The following EVC2 variants were observed in gnomAD, a reference collection of about 807,000 sequenced individuals.
The protein encoded by EVC2 is limbin.
Under a neutral mutation model 149.3 loss-of-function variants are expected in EVC2, and 148 were observed. The ratio of observed to expected loss-of-function variants is 0.99; its 90% CI spans 0.87 to 1.14. The LOEUF is 1.14. Ranked by LOEUF, EVC2 falls within the 50% of genes most tolerant of loss-of-function variation. The pLI is 0.00. For missense variants in EVC2, 1,854 were observed against 1,627.3 expected (o/e 1.14, Z -2.40); for synonymous variants, 776 against 649.9 (o/e 1.19, Z -2.95).
intron 13 of EVC2, among the ~76,000 whole-genome samples, chr4:5,623,625 C>A (rs1198710867): frequency 6.6e-6 from 1 of 152,158 alleles, no homozygotes; most frequent in East Asian, 1.9e-4. Context: ...CAGCTGTGAA[C>A]CATTGTGCCA....
chr4:5,588,028 T>A (rs1354599975), intron 16 of EVC2, among the ~76,000 whole-genome samples: 3 of 152,172 alleles, frequency 2.0e-5, no homozygotes, highest in Non-Finnish European at 4.4e-5. Flanking sequence ...TAGATTTCTA[T>A]CTGTTATGAA....
intron 16 of EVC2, among the ~76,000 whole-genome samples, chr4:5,604,593 T>A (rs1714240998): frequency 6.6e-6 from 1 of 152,000 alleles, no homozygotes; most frequent in Non-Finnish European, 1.5e-5. Context: ...AGGACAAACA[T>A]ACAGTTAGAT....
intron 14 of EVC2, among the ~76,000 whole-genome samples, chr4:5,620,311 C>T (rs1715598684): frequency 6.6e-6 from 1 of 152,204 alleles, no homozygotes; most frequent in South Asian, 2.1e-4. Context: ...TTTCAAACCA[C>T]ATCGGCCCTG....
chr4:5,621,838 C>T lies in EVC2; in HGVS notation c.2501+699G>A, dbSNP rs183741013. ...CAGCCTGGGCAACAGGGTGAGACCC[C>T]GTCTCTACAAAAAATAAATATTAAA... On this transcript the variant is annotated intron_variant, in intron 14 of 21. Coordinates refer to ENST00000344408, the MANE Select transcript of EVC2 (RefSeq NM_147127.5). Among the ~76,000 whole-genome samples, 559 of 152,156 alleles carry T rather than the reference C, an allele frequency of 3.7e-3. 3 individuals are homozygous for T. The highest frequency in any genetic ancestry group is 6.3e-3 in the Non-Finnish European group (431 of 68,024).
rs1015392674 is a variant in EVC2, at chr4:5,636,192, G to A, written c.1471-4160C>T. Among the ~76,000 whole-genome samples, 2 of 152,132 alleles carry A rather than the reference G, an allele frequency of 1.3e-5. No homozygotes were observed. The highest frequency in any genetic ancestry group is 6.5e-5 in the Admixed American group (1 of 15,270). On this transcript the variant is annotated intron_variant, in intron 10 of 21. Coordinates refer to ENST00000344408, the MANE Select transcript of EVC2 (RefSeq NM_147127.5). This position sits in a 1 kb window ranked among gnomAD's most constrained non-coding sequence, Gnocchi z 4.6. ...CGTGCCTACTGGAGGAAAAGAGGGA[G>A]GAAATAAACCCCAGCAACCTGCCTT...
intron 9 of EVC2, among the ~76,000 whole-genome samples, chr4:5,651,783 C>T (rs765160518): frequency 1.9e-4 from 29 of 152,234 alleles, no homozygotes; most frequent in Non-Finnish European, 4.4e-5. Context: ...CAATGGGGAG[C>T]TAGCTGCCCC....
intron 13 of EVC2, among the ~76,000 whole-genome samples, chr4:5,623,356 T>G (rs1228325440): frequency 6.6e-6 from 1 of 152,008 alleles, no homozygotes; most frequent in African/African-American, 2.4e-5. Context: ...TATTTTTTTT[T>G]TGAGACAGGG....
intron 14 of EVC2, among the ~76,000 whole-genome samples, chr4:5,621,781 G>A (rs963219609): frequency 4.6e-5 from 7 of 152,176 alleles, no homozygotes; most frequent in Non-Finnish European, 7.4e-5. Context: ...AGGCTGAGGC[G>A]GGAGGATTGC....
intron 16 of EVC2, among the ~76,000 whole-genome samples, chr4:5,598,987 C>A (rs562154879): frequency 2.6e-5 from 4 of 152,096 alleles, no homozygotes; most frequent in Non-Finnish European, 5.9e-5. Flanking sequence ...CCATCACTGG[C>A]CATCAGAGAA....
At chr4:5,675,616 A>AT (rs1292605547) in intron 7 of EVC2, among the ~76,000 whole-genome samples, 5 of 152,074 alleles carry the variant, frequency 3.3e-5, no homozygotes, top group Non-Finnish European at 5.9e-5. Flanking sequence ...TGAAACTATG[A>AT]TTTTTTTTCA....
intron 21 of EVC2, among the ~76,000 whole-genome samples, chr4:5,545,145 C>G (rs1721590126): frequency 6.6e-6 from 1 of 152,256 alleles, no homozygotes; most frequent in African/African-American, 2.4e-5. Context: ...TGTATGGGAT[C>G]TGTGTCCCCA....
the EVC2 span, among the ~76,000 whole-genome samples, chr4:5,533,427 G>A: frequency 6.6e-6 from 1 of 152,280 alleles, no homozygotes; most frequent in Non-Finnish European, 1.5e-5. Flanking sequence ...AGTGGGAGGA[G>A]AGGTCGGGCA....
intron 16 of EVC2, among the ~76,000 whole-genome samples, chr4:5,589,837 T>C (rs1184263155): frequency 6.6e-6 from 1 of 152,234 alleles, no homozygotes; most frequent in Non-Finnish European, 1.5e-5. Flanking sequence ...AATAATCTAA[T>C]ACTGTTAAGT....
chr4:5,692,866 T>C (rs1577261797), intron 3 of EVC2, among the ~76,000 whole-genome samples: 2 of 78,460 alleles, frequency 2.5e-5, no homozygotes, highest in South Asian at 5.7e-4. Flanking sequence ...AGAGCGAGAC[T>C]CCGTCTCAAA....
intron 7 of EVC2, among the ~76,000 whole-genome samples, chr4:5,675,757 C>G (rs553016731): frequency 6.6e-6 from 1 of 152,096 alleles, no homozygotes; most frequent in East Asian, 1.9e-4. Context: ...CCAGCCTGAC[C>G]AACATGGTGA....
intron 7 of EVC2, among the ~76,000 whole-genome samples, chr4:5,678,670 C>A (rs1417077988): frequency 2.0e-5 from 3 of 152,196 alleles, no homozygotes; most frequent in African/African-American, 7.2e-5. Context: ...TGGCTACAAA[C>A]CTGTACAGCA....
In EVC2 at chr4:5,685,530, G is replaced by A. The variant is rs13129960; in HGVS notation, c.707-51C>T. The A allele has an allele frequency of 0.12, 177,534 of 1,519,242 alleles. 11,622 individuals are homozygous for A. Among genetic ancestry groups the A allele is most frequent in the African/African-American group, 0.24 (17,749 of 73,038 alleles). The allele number at this position is 1,519,242 out of a possible 1,614,324, so 94.1% of individuals were successfully genotyped here. ...TCAGGGAGGGCTTGGCCACGCCCCC[G>A]GCTGCACCCCACCACACCCCAGACA... is the stretch of plus-strand genomic sequence containing the variant. On this transcript the variant is annotated intron_variant, in intron 5 of 21. Coordinates refer to ENST00000344408, the MANE Select transcript of EVC2 (RefSeq NM_147127.5).
intron 9 of EVC2, among the ~76,000 whole-genome samples, chr4:5,646,971 C>T (rs574817261): frequency 6.6e-5 from 10 of 152,284 alleles, no homozygotes; most frequent in East Asian, 3.9e-4. Flanking sequence ...ATATACCTTG[C>T]GGGAACCTTG....
At chr4:5,641,779 A>T (rs1005960517) in intron 9 of EVC2, among the ~76,000 whole-genome samples, 11 of 152,160 alleles carry the variant, frequency 7.2e-5, no homozygotes, top group African/African-American at 9.7e-5. Context: ...TTTTATTATT[A>T]TTTTTTATTT....
Sources: gnomAD v4.1 joint callset for allele counts (sites outside exome capture counted in the v4.1 genomes callset) on GRCh38, gnomAD v4.1.1 for gene constraint, Gnocchi (gnomAD v3.1) non-coding constraint, MANE v1.5 for transcripts, NCBI Gene and HGNC (gene_info 2026-07-23, HGNC 2026-07-21) for gene names.